SNTB1: variants seen among roughly 807,000 people sequenced by gnomAD.
The protein encoded by SNTB1 is syntrophin beta 1, also known as beta-1-syntrophin.
SNTB1 carries 36 observed loss-of-function variants against 48.9 expected under a neutral mutation model. The observed-to-expected ratio is 0.74, with a 90% confidence interval of 0.56 to 0.97. The LOEUF (loss-of-function observed/expected upper bound fraction) is 0.97. Ranked by LOEUF, SNTB1 falls within the 50% of genes least tolerant of loss-of-function variation. SNTB1 has a pLI of 0.00. For missense variants in SNTB1, 786 were observed against 703.4 expected (o/e 1.12, Z -1.33); for synonymous variants, 299 against 294.6 (o/e 1.01, Z -0.15).
At chr8:120,558,077 G>C (rs886354534) in intron 4 of SNTB1, among the ~76,000 whole-genome samples, 5 of 152,194 alleles carry the variant, frequency 3.3e-5, no homozygotes, top group African/African-American at 1.2e-4. Flanking sequence ...GCTAAAACCT[G>C]TCTGCCTGGC....
chr8:120,606,405 AT>A (rs1816519736), intron 3 of SNTB1, among the ~76,000 whole-genome samples: 1 of 63,548 alleles, frequency 1.6e-5, no homozygotes, highest in Non-Finnish European at 3.6e-5. Flanking sequence ...GCGTGTGTGT[AT>A]ATATGTGTGT....
At chr8:120,767,141 G>A (rs1006990274) in intron 1 of SNTB1, among the ~76,000 whole-genome samples, 2 of 152,274 alleles carry the variant, frequency 1.3e-5, no homozygotes, top group East Asian at 1.9e-4. Context: ...CCTTGTGTGT[G>A]TATGGTGAAT....
At chr8:120,553,423 G>C (rs1815515358) in intron 4 of SNTB1, among the ~76,000 whole-genome samples, 1 of 152,098 alleles carries the variant, frequency 6.6e-6, no homozygotes, top group Non-Finnish European at 1.5e-5. Context: ...TTCACTACCT[G>C]GTGGGTATGC....
chr8:120,751,457 T>C (rs1232134828), intron 1 of SNTB1, among the ~76,000 whole-genome samples: 1 of 149,734 alleles, frequency 6.7e-6, no homozygotes, highest in Non-Finnish European at 1.5e-5. Context: ...GCCATACGAA[T>C]TAAATCTTAA....
intron 1 of SNTB1, among the ~76,000 whole-genome samples, chr8:120,724,756 C>T (rs1297738116): frequency 2.0e-5 from 3 of 152,154 alleles, no homozygotes; most frequent in Non-Finnish European, 2.9e-5. Context: ...GGCAGAATTG[C>T]ACCGTTGAAC....
intron 4 of SNTB1, among the ~76,000 whole-genome samples, chr8:120,572,477 A>G (rs1815872535): frequency 6.6e-6 from 1 of 152,244 alleles, no homozygotes; most frequent in Admixed American, 6.5e-5. Context: ...AGAGCTGGCA[A>G]GAGAAGTCAG....
intron 1 of SNTB1, among the ~76,000 whole-genome samples, chr8:120,785,798 C>T (rs1204894161): frequency 6.6e-6 from 1 of 152,232 alleles, no homozygotes; most frequent in Admixed American, 6.5e-5. Context: ...TTGCAAGCAT[C>T]ACCTCCTGGC....
intron 4 of SNTB1, among the ~76,000 whole-genome samples, chr8:120,560,205 G>A (rs895821525): frequency 1.1e-4 from 16 of 152,130 alleles, no homozygotes; most frequent in African/African-American, 2.2e-4. Flanking sequence ...CATCTGGGCC[G>A]GGTGCGGTGG....
chr8:120,578,902 C>A (rs973872574), intron 3 of SNTB1, among the ~76,000 whole-genome samples: 1 of 152,072 alleles, frequency 6.6e-6, no homozygotes. Context: ...ATTGGACGGG[C>A]GAGGTAGCTC....
chr8:120,633,100 T>C lies in SNTB1; in HGVS notation c.789-449A>G, dbSNP rs1197955446. On this transcript the variant is annotated intron_variant, in intron 2 of 6. Coordinates refer to ENST00000517992, the MANE Select transcript of SNTB1 (RefSeq NM_021021.4). ...CCACATGCTTAATCCTGCTGCTCAGTGTTAATCAATTAAGCCACATGCTTA... is the reference window on the plus strand; with the variant it reads ...CCACATGCTTAATCCTGCTGCTCAGCGTTAATCAATTAAGCCACATGCTTA... Among the ~76,000 whole-genome samples, 7 of 152,226 alleles carry C rather than the reference T, an allele frequency of 4.6e-5. No homozygotes were observed. In the East Asian group the frequency reaches 1.2e-3, roughly 25 times the overall value.
At chr8:120,554,705 C>T (rs1429264952) in intron 4 of SNTB1, among the ~76,000 whole-genome samples, 1 of 152,130 alleles carries the variant, frequency 6.6e-6, no homozygotes. Context: ...ACCTAATGCC[C>T]GCAGGCTATA....
Position 120,576,167 on chromosome 8 carries a change from G to A in SNTB1, c.997-942C>T, listed in dbSNP as rs570333318. 6.8e-4 allele frequency among the ~76,000 whole-genome samples: 104 copies of A among 152,216 alleles called. 1 individual carries two copies. Among genetic ancestry groups the A allele is most frequent in the African/African-American group, 2.4e-3 (99 of 41,532 alleles). On this transcript the variant is annotated intron_variant, in intron 3 of 6. Coordinates refer to ENST00000517992, the MANE Select transcript of SNTB1 (RefSeq NM_021021.4). Reference sequence around the variant, plus strand: ...ATCCAGATCTGTTGAATCAGAGTCCGCATTTTAACAAAATCTTCAGGTAAT... The same window carrying A: ...ATCCAGATCTGTTGAATCAGAGTCCACATTTTAACAAAATCTTCAGGTAAT...
At chr8:120,602,444 G>A (rs1816435089) in intron 3 of SNTB1, among the ~76,000 whole-genome samples, 3 of 152,234 alleles carry the variant, frequency 2.0e-5, no homozygotes, top group Non-Finnish European at 4.4e-5. Context: ...TGTGGGCCTT[G>A]TCCAATCAGT....
In SNTB1 at chr8:120,667,554, G is replaced by C. The variant is rs552208506; in HGVS notation, c.788+26138C>G. On this transcript the variant is annotated intron_variant, in intron 2 of 6. Coordinates refer to ENST00000517992, the MANE Select transcript of SNTB1 (RefSeq NM_021021.4). ...ATTTTATTTTATTTTTTGTAGAGCT[G>C]GGGCTCTTGCTTTGTTGCCCAGGCT... 3.3e-5 allele frequency among the ~76,000 whole-genome samples: 5 copies of C among 152,222 alleles called. No individual in the cohort carries two copies. The South Asian group carries it at 1.0e-3, about 32-fold the overall frequency.
chr8:120,649,346 G>C (rs1274277233), intron 2 of SNTB1, among the ~76,000 whole-genome samples: 1 of 143,892 alleles, frequency 6.9e-6, no homozygotes, highest in Non-Finnish European at 1.5e-5. Flanking sequence ...TGGGTTTTTG[G>C]TGTGGATGTC....
At chr8:120,550,562 AGAG>A (rs1815465042) in intron 4 of SNTB1, among the ~76,000 whole-genome samples, 1 of 138,454 alleles carries the variant, frequency 7.2e-6, no homozygotes, top group South Asian at 2.3e-4. Context: ...AAAAAAAAAA[AGAG>A]AGATATGGAA....
At chr8:120,786,928 A>C (rs193075241) in intron 1 of SNTB1, among the ~76,000 whole-genome samples, 10 of 152,166 alleles carry the variant, frequency 6.6e-5, no homozygotes, top group Admixed American at 5.2e-4. Context: ...GTTCAACCCA[A>C]TGAAGAAAGT....
chr8:120,766,288 A>G (rs553919516), intron 1 of SNTB1, among the ~76,000 whole-genome samples: 1 of 152,290 alleles, frequency 6.6e-6, no homozygotes, highest in Admixed American at 6.5e-5. Flanking sequence ...AGAAAGGATA[A>G]ATAATTGGCC....
chr8:120,702,631 T>A (rs1818325630), intron 1 of SNTB1, among the ~76,000 whole-genome samples: 1 of 151,742 alleles, frequency 6.6e-6, no homozygotes, highest in African/African-American at 2.4e-5. Flanking sequence ...ATAAACATCG[T>A]GATGATGGCT....
Sources: gnomAD v4.1 joint callset for allele counts (sites outside exome capture counted in the v4.1 genomes callset) on GRCh38, gnomAD v4.1.1 for gene constraint, MANE v1.5 for transcripts, NCBI Gene and HGNC (gene_info 2026-07-23, HGNC 2026-07-21) for gene names.